Variants in OSBPL3 observed in about 807,000 individuals in gnomAD.
OSBPL3 encodes the protein oxysterol-binding protein-related protein 3.
A neutral mutation model predicts 120.1 loss-of-function variants in OSBPL3; 65 were observed. That is an observed-to-expected ratio of 0.54 (90% confidence interval 0.44 to 0.67). The LOEUF is 0.67. OSBPL3 is among the 30% of genes least tolerant of loss of function. The pLI is 0.00. For missense variants in OSBPL3, 1,004 were observed against 1,082.1 expected (o/e 0.93, Z 1.01); for synonymous variants, 416 against 402.6 (o/e 1.03, Z -0.40).
rs1044371523 is a variant in OSBPL3, at chr7:24,966,609, C to T, written c.-150+13277G>A. ...AGCCATGTTTAGGCCAAAGTCTTTC[C>T]TTTTTGACACCCTATTATTGGTATC... On this transcript the variant is annotated intron_variant, in intron 1 of 22. Transcript: ENST00000313367. This position sits in a 1 kb window ranked among gnomAD's most constrained non-coding sequence, Gnocchi z 4.8. Among the ~76,000 whole-genome samples the T allele has an allele frequency of 6.6e-6, 1 of 152,188 alleles. No individual in the cohort carries two copies. Among genetic ancestry groups the T allele is most frequent in the East Asian group, 1.9e-4 (1 of 5,200 alleles).
At position 24,820,502 on chromosome 7, in the gene OSBPL3, G is replaced by A. The variant is rs750098613; in HGVS notation, c.1885-264C>T. On this transcript the variant is annotated intron_variant, in intron 16 of 22. Coordinates refer to ENST00000313367, the MANE Select transcript of OSBPL3 (RefSeq NM_015550.4). This position sits in a 1 kb window ranked among gnomAD's most constrained non-coding sequence, Gnocchi z 4.6. ...CTCCGTGGGAGGGCGGCCAGGTGGC[G>A]AGTGATGAGGATAGAGGCGCATTTT... Among the ~76,000 whole-genome samples, 4 of 151,888 alleles carry A rather than the reference G, an allele frequency of 2.6e-5. No homozygotes were observed. The highest frequency in any genetic ancestry group is 6.5e-5 in the Admixed American group (1 of 15,280).
intron 1 of OSBPL3, among the ~76,000 whole-genome samples, chr7:24,914,003 G>A (rs79522114): frequency 0.017 from 2,582 of 152,250 alleles, 89 homozygotes; most frequent in African/African-American, 0.059. Context: ...GCAGACTCTT[G>A]GGTGTTGGCC....
chr7:24,834,701 G>C lies in OSBPL3; in HGVS notation c.1531C>G (p.Arg511Gly), dbSNP rs769760867. Residue 511 changes from arginine (R) to glycine (G), a missense_variant, in exon 15 of 23, where the codon CGG becomes GGG. Arg to Gly is a moderately radical substitution (Grantham distance 125). Around this residue, in one of 4 missense-constraint regions of OSBPL3, gnomAD observed 473 missense variants for 568.0 expected, o/e 0.83. Transcript: ENST00000313367. The surrounding 1 kb of genome is among the most constrained non-coding windows in gnomAD (Gnocchi z 5.2). Reference sequence around the variant, plus strand: ...GGCGCCGGCAGGCACGTTCTTCTCCGGGACTTCGCTTCCCGACCACTATCA... The same window carrying C: ...GGCGCCGGCAGGCACGTTCTTCTCCCGGACTTCGCTTCCCGACCACTATCA... ...VLDSGREAKS[R>G]RRTCLPAPCP... 25 of 1,613,220 alleles carry C rather than the reference G, an allele frequency of 1.5e-5. No individual in the cohort carries two copies. The highest frequency in any genetic ancestry group is 2.2e-5 in the South Asian group (2 of 90,984).
intron 1 of OSBPL3, among the ~76,000 whole-genome samples, chr7:24,974,124 A>G (rs1023222744): frequency 6.6e-6 from 1 of 152,226 alleles, no homozygotes; most frequent in Non-Finnish European, 1.5e-5. Flanking sequence ...CTTCTCAGTA[A>G]GGACTAGCCA....
chr7:24,909,178 G>A (rs1808406485), intron 1 of OSBPL3, among the ~76,000 whole-genome samples: 2 of 152,224 alleles, frequency 1.3e-5, no homozygotes, highest in Admixed American at 6.5e-5. Flanking sequence ...TAGCATGCAT[G>A]CCTTGGCTTG....
intron 2 of OSBPL3, among the ~76,000 whole-genome samples, chr7:24,890,121 A>G (rs1295363287): frequency 6.6e-6 from 1 of 152,188 alleles, no homozygotes; most frequent in Non-Finnish European, 1.5e-5. Flanking sequence ...CACTAAGAAA[A>G]ATGACCAATA....
At chr7:24,923,576 G>A (rs1385660418) in intron 1 of OSBPL3, among the ~76,000 whole-genome samples, 2 of 152,136 alleles carry the variant, frequency 1.3e-5, no homozygotes, top group Non-Finnish European at 2.9e-5. Flanking sequence ...GAGAGAGGGA[G>A]GGAGAGACTA....
At chr7:24,866,919 A>C (rs540154454) in intron 5 of OSBPL3, among the ~76,000 whole-genome samples, 5 of 151,988 alleles carry the variant, frequency 3.3e-5, no homozygotes, top group Admixed American at 6.6e-5. Flanking sequence ...TCTTGCCTCA[A>C]CCTCCCGAGT....
In OSBPL3 at chr7:24,849,216, G is replaced by C. The variant is rs1225388405; in HGVS notation, c.1159-40C>G. ...AATAGTGGGGCTCTGTTAATAAATG[G>C]ATGTTTCAGAAAAGCACAGCAGTGG... On this transcript the variant is annotated intron_variant, in intron 11 of 22. Coordinates refer to ENST00000313367, the MANE Select transcript of OSBPL3 (RefSeq NM_015550.4). This position sits in a 1 kb window ranked among gnomAD's most constrained non-coding sequence, Gnocchi z 5.4. 4.0e-6 allele frequency: 6 copies of C among 1,500,820 alleles called. No individual in the cohort carries two copies. The South Asian group carries it at 6.9e-5, about 17-fold the overall frequency. 93.0% of individuals were successfully genotyped at this position (1,500,820 alleles called of 1,614,324 possible). A position where few individuals can be genotyped will look rare whatever the true frequency, so the allele number is the denominator to read the frequency against.
In OSBPL3 at chr7:24,851,669, A is replaced by T. The variant is rs1799166963; in HGVS notation, c.1158+835T>A. Among the ~76,000 whole-genome samples, 2 of 152,204 alleles carry T rather than the reference A, an allele frequency of 1.3e-5. No homozygotes were observed. Among genetic ancestry groups the T allele is most frequent in the South Asian group, 4.1e-4 (2 of 4,832 alleles). On this transcript the variant is annotated intron_variant, in intron 11 of 22. Coordinates refer to ENST00000313367, the MANE Select transcript of OSBPL3 (RefSeq NM_015550.4). The surrounding 1 kb of genome is among the most constrained non-coding windows in gnomAD (Gnocchi z 4.1). The stretch of plus-strand genomic sequence containing the variant: ...TAAAGTAGGAATTCCAAAGTACAAG[A>T]AAAGAGTAAAAGCAAATCAGTATGC...
intron 15 of OSBPL3, among the ~76,000 whole-genome samples, chr7:24,832,592 A>C (rs1271750127): frequency 6.6e-6 from 1 of 152,080 alleles, no homozygotes; most frequent in Non-Finnish European, 1.5e-5. Context: ...GTGTTCTTGA[A>C]ACCTGGGTGT....
chr7:24,858,224 A>C (rs1034120249), intron 10 of OSBPL3, among the ~76,000 whole-genome samples: 1 of 152,242 alleles, frequency 6.6e-6, no homozygotes, highest in Admixed American at 6.5e-5. Flanking sequence ...GCATTTAACA[A>C]GGTGAAGGTC....
Position 24,927,445 on chromosome 7 carries a change from T to C in OSBPL3, c.-149-34824A>G, listed in dbSNP as rs553981909. On this transcript the variant is annotated intron_variant, in intron 1 of 22. Coordinates refer to ENST00000313367, the MANE Select transcript of OSBPL3 (RefSeq NM_015550.4). ...TCCTCCTAGAGAACAGAATAGCACTTGGCATTTCTTGGGGTATTATTTTAC... is the reference window on the plus strand; with the variant it reads ...TCCTCCTAGAGAACAGAATAGCACTCGGCATTTCTTGGGGTATTATTTTAC... 2.0e-5 allele frequency among the ~76,000 whole-genome samples: 3 copies of C among 152,340 alleles called. No individual in the cohort carries two copies. The South Asian group carries it at 6.2e-4, about 32-fold the overall frequency.
rs2128180836 is a variant in OSBPL3 at position 24,834,581 on chromosome 7, C to T, written c.1651G>A (p.Glu551Lys). 3 of 1,614,182 alleles carry T rather than the reference C, an allele frequency of 1.9e-6. No individual in the cohort carries two copies. Among genetic ancestry groups the T allele is most frequent in the East Asian group, 2.2e-5 (1 of 44,876 alleles). Reference sequence around the variant, plus strand: ...AGCCTCTGCAGCGTGTTCAGGGGCTCGTTCAGCTCCACCGGCATGGCCACC... The same window carrying T: ...AGCCTCTGCAGCGTGTTCAGGGGCTTGTTCAGCTCCACCGGCATGGCCACC... ...SKVAMPVELN[E>K]PLNTLQRLCE... The change falls in exon 15 of 23, where the codon GAG (glutamate) becomes AAG (lysine). Residue 551 changes from glutamate (E) to lysine (K), a missense_variant. Glu to Lys is a moderately conservative substitution (Grantham distance 56). Around this residue, in one of 4 missense-constraint regions of OSBPL3, gnomAD observed 473 missense variants for 568.0 expected, o/e 0.83. Coordinates refer to ENST00000313367, the MANE Select transcript of OSBPL3 (RefSeq NM_015550.4). This position sits in a 1 kb window ranked among gnomAD's most constrained non-coding sequence, Gnocchi z 5.2.
chr7:24,927,452 T>C (rs1236301585), intron 1 of OSBPL3, among the ~76,000 whole-genome samples: 1 of 152,202 alleles, frequency 6.6e-6, no homozygotes, highest in Non-Finnish European at 1.5e-5. Context: ...ACTTGGCATT[T>C]CTTGGGGTAT....
Position 24,879,339 on chromosome 7 carries a change from G to C in OSBPL3, c.97-7270C>G. On this transcript the variant is annotated intron_variant, in intron 2 of 22. Transcript: ENST00000313367. The surrounding 1 kb of genome is among the most constrained non-coding windows in gnomAD (Gnocchi z 5.6). ...AAGATTAAAGAAAACAGGAGACTGA[G>C]CAATGAAGCTCCCACTTGGGTTCTG... Among the ~76,000 whole-genome samples, 1 of 152,212 alleles carries C rather than the reference G, an allele frequency of 6.6e-6. No homozygotes were observed. Among genetic ancestry groups the C allele is most frequent in the Non-Finnish European group, 1.5e-5 (1 of 68,040 alleles).
rs763973333 is a variant in OSBPL3 at position 24,866,187 on chromosome 7, G to A, written c.432C>T (p.His144=). Residue 144 remains histidine (H), a synonymous_variant, in exon 6 of 23, where the codon CAC becomes CAT. Coordinates refer to ENST00000313367, the MANE Select transcript of OSBPL3 (RefSeq NM_015550.4). ...FDEWVSKLRH[H]RMYRQNEIAM... is the part of the protein sequence containing the mutation. ...CAATTTCATTCTGACGATACATTCTGTGGTGGCGAAGTTTCGATACCCACT... is the reference window on the plus strand; with the variant it reads ...CAATTTCATTCTGACGATACATTCTATGGTGGCGAAGTTTCGATACCCACT... 5.0e-6 allele frequency: 8 copies of A among 1,613,012 alleles called. No individual in the cohort carries two copies. Among genetic ancestry groups the A allele is most frequent in the South Asian group, 3.3e-5 (3 of 91,064 alleles).
chr7:24,967,565 T>C lies in OSBPL3; in HGVS notation c.-150+12321A>G, dbSNP rs1816527358. On this transcript the variant is annotated intron_variant, in intron 1 of 22. Transcript: ENST00000313367. The surrounding 1 kb of genome is among the most constrained non-coding windows in gnomAD (Gnocchi z 5.6). ...ATTGTGAGAATTAAATCAGGTGATG[T>C]TCTTTCAAAAAGTACAGAGAATAGT... is the stretch of plus-strand genomic sequence containing the variant. Among the ~76,000 whole-genome samples, 1 of 152,210 alleles carries C rather than the reference T, an allele frequency of 6.6e-6. No individual in the cohort carries two copies. The highest frequency in any genetic ancestry group is 1.5e-5 in the Non-Finnish European group (1 of 68,042).
chr7:24,961,430 A>G lies in OSBPL3; in HGVS notation c.-150+18456T>C, dbSNP rs368139798. 3.3e-5 allele frequency among the ~76,000 whole-genome samples: 5 copies of G among 152,272 alleles called. No homozygotes were observed. In the East Asian group the frequency reaches 5.8e-4, roughly 18 times the overall value. ...AATGTTTATGTACCCCACAAAAACC[A>G]TATGTTGAGATTCTCACCCCCAAGG... On this transcript the variant is annotated intron_variant, in intron 1 of 22. Coordinates refer to ENST00000313367, the MANE Select transcript of OSBPL3 (RefSeq NM_015550.4).
Sources: gnomAD v4.1 joint callset for allele counts (sites outside exome capture counted in the v4.1 genomes callset) on GRCh38, gnomAD v4.1.1 for gene constraint, gnomAD v4.1.1 regional missense constraint, Gnocchi (gnomAD v3.1) non-coding constraint, MANE v1.5 for transcripts, NCBI Gene and HGNC (gene_info 2026-07-23, HGNC 2026-07-21) for gene names.